NBDY: variants seen among roughly 807,000 people sequenced by gnomAD.
NBDY encodes the protein P-body dissociating protein.
At chrX:56,739,256 ATATATATG>A (rs2069517401) in intron 2 of NBDY, among the ~76,000 whole-genome samples, 2 of 81,258 alleles carry the variant, frequency 2.5e-5, no homozygotes, top group Non-Finnish European at 4.5e-5. Context: ...ATATATATAT[ATATATATG>A]TATGTATATA....
intron 2 of NBDY, among the ~76,000 whole-genome samples, chrX:56,767,154 T>A (rs1429579417): frequency 8.8e-6 from 1 of 113,599 alleles, no homozygotes; most frequent in African/African-American, 3.2e-5. Flanking sequence ...TCTGCCGTTT[T>A]CCAGTAGCCA....
chrX:56,809,327 G>A (rs1477056208), intron 2 of NBDY, among the ~76,000 whole-genome samples: 1 of 111,309 alleles, frequency 9.0e-6, no homozygotes, highest in African/African-American at 3.3e-5. Context: ...TTTCTTTCTC[G>A]TTGATCTATC....
At chrX:56,757,939 A>G (rs1292818960) in intron 2 of NBDY, among the ~76,000 whole-genome samples, 2 of 111,451 alleles carry the variant, frequency 1.8e-5, no homozygotes, top group Admixed American at 1.9e-4. Flanking sequence ...GAACCTGCTC[A>G]GGTCTCATAA....
At chrX:56,797,006 TTTC>T (rs2069795288) in intron 2 of NBDY, among the ~76,000 whole-genome samples, 1 of 111,100 alleles carries the variant, frequency 9.0e-6, no homozygotes, top group Non-Finnish European at 1.9e-5. Flanking sequence ...TCTCCTTCTG[TTTC>T]TTCTTCCTTT....
At chrX:56,808,736 G>C (rs2069868699) in intron 2 of NBDY, among the ~76,000 whole-genome samples, 1 of 111,399 alleles carries the variant, frequency 9.0e-6, no homozygotes, top group Non-Finnish European at 1.9e-5. Flanking sequence ...TTTTTTTGAT[G>C]GGTTTTTCTT....
chrX:56,738,840 C>T (rs995392626), intron 2 of NBDY, among the ~76,000 whole-genome samples: 1 of 110,980 alleles, frequency 9.0e-6, no homozygotes, highest in East Asian at 2.8e-4. Context: ...CTGATAGGCA[C>T]TAATGAAGCA....
chrX:56,737,103 A>G, intron 2 of NBDY: 2 of 484,877 alleles, frequency 4.1e-6, no homozygotes, highest in South Asian at 2.5e-5. Flanking sequence ...TATTCAGTAT[A>G]AGGTTTGGAA....
At chrX:56,765,792 C>T (rs1378334356) in intron 2 of NBDY, among the ~76,000 whole-genome samples, 1 of 110,060 alleles carries the variant, frequency 9.1e-6, no homozygotes, top group African/African-American at 3.3e-5. Flanking sequence ...CTCCTCCTCC[C>T]CCTCCCCCTG....
chrX:56,797,950 G>A (rs767158039), intron 2 of NBDY, among the ~76,000 whole-genome samples: 65 of 111,993 alleles, frequency 5.8e-4, no homozygotes, highest in Non-Finnish European at 9.8e-4. Context: ...GACACATAAA[G>A]TCACACATAC....
chrX:56,733,647 G>A (rs1423235112), intron 2 of NBDY, among the ~76,000 whole-genome samples: 1 of 111,609 alleles, frequency 9.0e-6, no homozygotes, highest in East Asian at 2.8e-4. Context: ...ATAGGGCATC[G>A]CCACCTAGTG....
intron 2 of NBDY, among the ~76,000 whole-genome samples, chrX:56,761,600 C>T (rs1264154092): frequency 3.5e-5 from 4 of 113,355 alleles, no homozygotes; most frequent in Non-Finnish European, 7.5e-5. Flanking sequence ...CACGTTGATT[C>T]TTAGTATACT....
At chrX:56,756,764 A>G (rs1378066940) in intron 2 of NBDY, among the ~76,000 whole-genome samples, 2 of 111,345 alleles carry the variant, frequency 1.8e-5, no homozygotes, top group African/African-American at 6.5e-5. Flanking sequence ...CAGGAGTTTG[A>G]GACTAGGCTG....
chrX:56,743,796 G>A (rs1248961423), intron 2 of NBDY, among the ~76,000 whole-genome samples: 1 of 109,817 alleles, frequency 9.1e-6, no homozygotes, highest in South Asian at 3.8e-4. Flanking sequence ...TTCGGCTCTG[G>A]TGTTTATTAT....
intron 2 of NBDY, among the ~76,000 whole-genome samples, chrX:56,810,317 C>T (rs910738759): frequency 4.5e-5 from 5 of 111,377 alleles, no homozygotes; most frequent in Non-Finnish European, 9.4e-5. Flanking sequence ...TGGGGAAGTT[C>T]TCCTGGATAA....
chrX:56,737,629 T>A (rs2069503676), intron 2 of NBDY: 1 of 392,191 alleles, frequency 2.5e-6, no homozygotes, highest in Non-Finnish European at 4.4e-6. Context: ...ATACAAAAAT[T>A]ATACACTGGC....
chrX:56,731,947 G>A (rs1208452194), intron 1 of NBDY, 116 bp from the exon 2 acceptor site: 1 of 272,119 alleles, frequency 3.7e-6, no homozygotes, highest in Admixed American at 6.5e-5. Context: ...CTGTTTTATA[G>A]GAATAAATCA....
At chrX:56,751,913 G>A (rs1415335431) in intron 2 of NBDY, among the ~76,000 whole-genome samples, 1 of 111,896 alleles carries the variant, frequency 8.9e-6, no homozygotes, top group Non-Finnish European at 1.9e-5. Context: ...GTCCATATGT[G>A]TTCAATGTTT....
chrX:56,791,491 T>C (rs2069762917), intron 2 of NBDY, among the ~76,000 whole-genome samples: 1 of 111,878 alleles, frequency 8.9e-6, no homozygotes, highest in African/African-American at 3.3e-5. Context: ...AGTTGGCTGA[T>C]GACATTCTCA....
At chrX:56,730,577 G>T (rs950928163) in intron 1 of NBDY, among the ~76,000 whole-genome samples, 1 of 95,276 alleles carries the variant, frequency 1.0e-5, no homozygotes, top group African/African-American at 3.8e-5. Context: ...GGCCTTAAAG[G>T]TTGAGTGACA....
Sources: gnomAD v4.1 joint callset for allele counts (sites outside exome capture counted in the v4.1 genomes callset) on GRCh38, gnomAD v4.1.1 for gene constraint, MANE v1.5 for transcripts, NCBI Gene and HGNC (gene_info 2026-07-23, HGNC 2026-07-21) for gene names.